The following ADAMTS20 variants were observed in gnomAD, a reference collection of about 807,000 sequenced individuals.
ADAMTS20 encodes A disintegrin and metalloproteinase with thrombospondin motifs 20.
ADAMTS20 carries 225 observed loss-of-function variants against 260.1 expected under a neutral mutation model. The ratio of observed to expected loss-of-function variants is 0.87; its 90% CI spans 0.78 to 0.97. The LOEUF (loss-of-function observed/expected upper bound fraction) is 0.97. ADAMTS20 is among the 50% of genes least tolerant of loss of function. ADAMTS20 has a pLI of 0.00. For synonymous variants in ADAMTS20, 802 were observed against 769.5 expected, an observed-to-expected ratio of 1.04 and a Z score of -0.70; for missense variants, 2,400 against 2,337.7, an observed-to-expected ratio of 1.03 and a Z score of -0.55.
intron 28 of ADAMTS20, among the ~76,000 whole-genome samples, chr12:43,400,533 C>G (rs1315765410): frequency 6.6e-6 from 1 of 151,924 alleles, no homozygotes. Context: ...TTAGAGCACA[C>G]TTGGTTCTGT....
chr12:43,439,963 A>G lies in ADAMTS20; in HGVS notation c.2397T>C (p.Ser799=), dbSNP rs1264475696. Residue 799 remains serine (S), a synonymous_variant, in exon 17 of 39, where the codon AGT becomes AGC. Transcript: ENST00000389420. ...TTCTTTCAACTGCGTTATTTGATCC[A>G]CTGTATTCAATAACAGTTCTTGTTC... The part of the protein sequence containing the change: ...VQGTRTVIEY[S]GSNNAVERIN... 13 of 1,601,052 alleles carry G rather than the reference A, an allele frequency of 8.1e-6. No individual in the cohort carries two copies. The highest frequency in any genetic ancestry group is 1.1e-5 in the Non-Finnish European group (13 of 1,172,498).
At chr12:43,371,980 A>G (rs1039088574) in intron 36 of ADAMTS20, among the ~76,000 whole-genome samples, 5 of 152,206 alleles carry the variant, frequency 3.3e-5, no homozygotes, top group Non-Finnish European at 7.3e-5. Context: ...CTGCAGTGGT[A>G]AACATTTGGG....
Position 43,427,369 on chromosome 12 carries a change from G to A in ADAMTS20, c.4046C>T (p.Pro1349Leu). ...CCCTGGACCACATTGCTGTAACTCT[G>A]GAGGCTTGGAGGCTGCATCGCAGTA... is the stretch of plus-strand genomic sequence containing the variant. ...ASYCDAASKP[P>L]ELQQCGPGPC... The change falls in exon 27 of 39, where the codon CCA (proline) becomes CTA (leucine). Residue 1349 changes from proline (P) to leucine (L), a missense_variant. Physicochemically the swap from Pro to Leu is moderately conservative, Grantham distance 98. Coordinates refer to ENST00000389420, the MANE Select transcript of ADAMTS20 (RefSeq NM_025003.5). 4.3e-6 allele frequency: 7 copies of A among 1,613,862 alleles called. No homozygotes were observed. The highest frequency in any genetic ancestry group is 5.1e-6 in the Non-Finnish European group (6 of 1,179,848).
intron 36 of ADAMTS20, among the ~76,000 whole-genome samples, chr12:43,371,367 G>C (rs1404456445): frequency 6.6e-6 from 1 of 152,034 alleles, no homozygotes; most frequent in Non-Finnish European, 1.5e-5. Context: ...ATTTTGCATT[G>C]GGCAGTATTA....
At chr12:43,523,913 G>A (rs1398135711) in intron 3 of ADAMTS20, among the ~76,000 whole-genome samples, 1 of 149,896 alleles carries the variant, frequency 6.7e-6, no homozygotes, top group Non-Finnish European at 1.5e-5. Flanking sequence ...CAGACACTTT[G>A]GGGGAGCTTT....
At chr12:43,358,614 G>A (rs552108739) in intron 37 of ADAMTS20, among the ~76,000 whole-genome samples, 13 of 151,770 alleles carry the variant, frequency 8.6e-5, no homozygotes, top group African/African-American at 2.7e-4. Flanking sequence ...CGAGACGGGC[G>A]GATCACGAGG....
chr12:43,363,504 A>G (rs2137189742), intron 37 of ADAMTS20, among the ~76,000 whole-genome samples: 1 of 152,330 alleles, frequency 6.6e-6, no homozygotes, highest in South Asian at 2.1e-4. Context: ...GCCATGACTC[A>G]GCACTCTATT....
chr12:43,498,738 T>G lies in ADAMTS20; in HGVS notation c.867+3414A>C, dbSNP rs532907280. 1.6e-4 allele frequency among the ~76,000 whole-genome samples: 25 copies of G among 152,304 alleles called. No individual in the cohort carries two copies. The East Asian group carries it at 4.2e-3, about 26-fold the overall frequency. On this transcript the variant is annotated intron_variant, in intron 4 of 38. Transcript: ENST00000389420. ...CTTAACAAGTAACAATAAAACAAGT[T>G]GGACTGGATTTGATCGCTACACAGT...
chr12:43,547,603 G>A (rs1943457741), intron 2 of ADAMTS20, among the ~76,000 whole-genome samples: 1 of 152,184 alleles, frequency 6.6e-6, no homozygotes. Flanking sequence ...AATCCCTCTT[G>A]ACTCTCAAAT....
intron 7 of ADAMTS20, among the ~76,000 whole-genome samples, chr12:43,471,010 G>A (rs112666226): frequency 0.097 from 14,703 of 152,166 alleles, 818 homozygotes; most frequent in Middle Eastern, 0.19. Flanking sequence ...GAACAGCTCC[G>A]GTCTACAGCT....
intron 29 of ADAMTS20, among the ~76,000 whole-genome samples, chr12:43,395,345 T>C (rs1396226177): frequency 1.3e-5 from 2 of 152,158 alleles, no homozygotes; most frequent in Non-Finnish European, 2.9e-5. Flanking sequence ...ATAAAACATA[T>C]ATGTATATGT....
At position 43,432,318 on chromosome 12, in the gene ADAMTS20, T is replaced by C. The variant is rs1324523566; in HGVS notation, c.3082A>G (p.Ser1028Gly). ...NEFSCPSWAASEWSECLVTCG... is the reference protein window; with the variant it reads ...NEFSCPSWAAGEWSECLVTCG... ...GTTTAATGTACCTCGCTCCATTCAC[T>C]AGCAGCCCAACTGGGACAGGAAAAT... Residue 1028 changes from serine (S) to glycine (G), a missense_variant, in exon 21 of 39, where the codon AGT becomes GGT. By Grantham distance (56) the Ser-to-Gly change is moderately conservative. Coordinates refer to ENST00000389420, the MANE Select transcript of ADAMTS20 (RefSeq NM_025003.5). 8.1e-6 allele frequency: 13 copies of C among 1,613,952 alleles called. No homozygotes were observed. The highest frequency in any genetic ancestry group is 8.5e-6 in the Non-Finnish European group (10 of 1,179,856).
intron 7 of ADAMTS20, among the ~76,000 whole-genome samples, chr12:43,480,660 TGGATGAATCTGTA>T (rs1355675295): frequency 6.6e-6 from 1 of 152,186 alleles, no homozygotes; most frequent in Non-Finnish European, 1.5e-5. Flanking sequence ...TGCAACAGCA[TGGATGAATCTGTA>T]GGACATTACG....
At chr12:43,434,140 G>A (rs897548301) in intron 19 of ADAMTS20, 105 bp downstream of exon 19, 81 of 1,207,238 alleles carry the variant, frequency 6.7e-5, no homozygotes, top group Non-Finnish European at 8.4e-5. Flanking sequence ...CATGGCAGAT[G>A]ATGAGTAATA....
At chr12:43,498,709 T>G (rs1942711864) in intron 4 of ADAMTS20, among the ~76,000 whole-genome samples, 2 of 152,178 alleles carry the variant, frequency 1.3e-5, no homozygotes, top group African/African-American at 4.8e-5. Flanking sequence ...GTTTTTGAAA[T>G]GGTCTTAACA....
intron 37 of ADAMTS20, among the ~76,000 whole-genome samples, chr12:43,365,078 AG>A (rs1456121067): frequency 6.6e-6 from 1 of 152,134 alleles, no homozygotes; most frequent in Admixed American, 6.6e-5. Context: ...TTACCTACTT[AG>A]AAGTCAGACA....
At chr12:43,375,346 T>C (rs765249049) in intron 36 of ADAMTS20, 33 bp downstream of exon 36, 43 of 1,601,166 alleles carry the variant, frequency 2.7e-5, no homozygotes, top group Non-Finnish European at 3.6e-5. Context: ...AAATGGAGGC[T>C]TTTTGATTTT....
chr12:43,366,451 A>G (rs1438028618), intron 37 of ADAMTS20, among the ~76,000 whole-genome samples: 1 of 151,936 alleles, frequency 6.6e-6, no homozygotes, highest in Non-Finnish European at 1.5e-5. Context: ...TTGAACAACA[A>G]TATAAACCAA....
In ADAMTS20 at chr12:43,357,176, T is replaced by C. The variant is rs183251565; in HGVS notation, c.5539-588A>G. Among the ~76,000 whole-genome samples, 240 of 152,308 alleles carry C rather than the reference T, an allele frequency of 1.6e-3. 1 individual carries two copies. The highest frequency in any genetic ancestry group is 4.6e-3 in the Admixed American group (71 of 15,292). ...TAACAGTTAAATTGTAAATATTAACTGAGAAAATGTGTTATTAAAATAGGT... is the reference window on the plus strand; with the variant it reads ...TAACAGTTAAATTGTAAATATTAACCGAGAAAATGTGTTATTAAAATAGGT... On this transcript the variant is annotated intron_variant, in intron 37 of 38. Coordinates refer to ENST00000389420, the MANE Select transcript of ADAMTS20 (RefSeq NM_025003.5).
Sources: allele counts gnomAD v4.1 joint callset (sites outside exome capture counted in the v4.1 genomes callset), GRCh38; gene constraint gnomAD v4.1.1; transcripts MANE v1.5; gene names NCBI Gene and HGNC (gene_info 2026-07-23, HGNC 2026-07-21).